ZFC3H1: variants seen among roughly 807,000 people sequenced by gnomAD.
The protein encoded by ZFC3H1 is zinc finger C3H1 domain-containing protein.
Under a neutral mutation model 243.7 loss-of-function variants are expected in ZFC3H1, and 71 were observed. The ratio of observed to expected loss-of-function variants is 0.29; its 90% CI spans 0.24 to 0.36. The LOEUF is 0.36. Among genes scored for constraint, ZFC3H1 ranks in the 10% least tolerant of loss-of-function variants. The pLI is 1.00. For missense variants in ZFC3H1, 1,966 were observed against 2,317.1 expected (o/e 0.85, Z 3.11); for synonymous variants, 838 against 813.0 (o/e 1.03, Z -0.52).
At chr12:71,649,435 GTTTAC>G (rs1391278885) in intron 2 of ZFC3H1, among the ~76,000 whole-genome samples, 2 of 152,250 alleles carry the variant, frequency 1.3e-5, no homozygotes, top group South Asian at 2.1e-4. Flanking sequence ...ATGCTGACAT[GTTTAC>G]TTTAATATTT....
intron 3 of ZFC3H1, among the ~76,000 whole-genome samples, chr12:71,646,824 T>C (rs1034278562): frequency 5.3e-5 from 8 of 152,240 alleles, no homozygotes; most frequent in African/African-American, 1.7e-4. Context: ...CCCACCTATA[T>C]GCTACGTGAG....
chr12:71,630,895 T>C lies in ZFC3H1; in HGVS notation c.3530A>G (p.Asn1177Ser). The change falls in exon 17 of 35, where the codon AAT becomes AGT. Residue 1177 changes from asparagine (N) to serine (S), a missense_variant. This residue lies in a region of ZFC3H1 where 1,383 missense variants were observed against 1,723.7 expected (regional missense o/e 0.80). Transcript: ENST00000378743. ...KLPLSSVSYS[N>S]MIEPDQCFCR... The stretch of plus-strand genomic sequence containing the variant: ...GAAACACTGATCCGGTTCAATCATA[T>C]TACTGTATGATACTGAGCTCAGGGG... 6.2e-7 allele frequency: 1 copy of C among 1,613,418 alleles called. No homozygotes were observed. Among genetic ancestry groups the C allele is most frequent in the Admixed American group, 1.7e-5 (1 of 60,014 alleles).
intron 2 of ZFC3H1, among the ~76,000 whole-genome samples, chr12:71,649,350 T>G (rs984589980): frequency 4.6e-5 from 7 of 152,228 alleles, no homozygotes; most frequent in African/African-American, 1.7e-4. Context: ...GTAACACTCC[T>G]TGTTTTACTT....
At chr12:71,642,812 G>T (rs1880632804) in intron 5 of ZFC3H1, among the ~76,000 whole-genome samples, 1 of 152,112 alleles carries the variant, frequency 6.6e-6, no homozygotes, top group South Asian at 2.1e-4. Flanking sequence ...ATTGTTAGCT[G>T]AGCCACTAAA....
At position 71,657,303 on chromosome 12, in the gene ZFC3H1, T is replaced by G; in HGVS notation, c.599-2A>C. ...ATGGAGACCTTCCAAAACTTTTGGC[T>G]GAACAGCATATTAAGGAAACCAGTT... On this transcript the variant is annotated splice_acceptor_variant, in intron 1 of 34. Transcript: ENST00000378743. LOFTEE classifies it high-confidence loss of function. 1 of 1,517,988 alleles carries G rather than the reference T, an allele frequency of 6.6e-7. No homozygotes were observed. The highest frequency in any genetic ancestry group is 8.8e-7 in the Non-Finnish European group (1 of 1,139,410). The allele number at this position is 1,517,988 out of a possible 1,614,324, so 94.0% of individuals were successfully genotyped here.
intron 28 of ZFC3H1, 53 bp from the exon 29 acceptor site, chr12:71,614,991 A>G (rs1879859533): frequency 1.4e-6 from 2 of 1,442,336 alleles, no homozygotes; most frequent in Admixed American, 3.4e-5. Flanking sequence ...CCATCAGGTG[A>G]AGGAATGACA....
intron 18 of ZFC3H1, among the ~76,000 whole-genome samples, chr12:71,630,366 C>T (rs1190058154): frequency 6.6e-6 from 1 of 152,138 alleles, no homozygotes; most frequent in Non-Finnish European, 1.5e-5. Context: ...TCTGTGCTGT[C>T]CTACTGGCAT....
chr12:71,656,649 C>T, intron 2 of ZFC3H1: 1 of 588,166 alleles, frequency 1.7e-6, no homozygotes, highest in Non-Finnish European at 2.9e-6. Context: ...ACTATTATCA[C>T]TTATGTATAA....
intron 3 of ZFC3H1, among the ~76,000 whole-genome samples, chr12:71,645,638 CTG>C (rs1436654954): frequency 6.6e-6 from 1 of 152,142 alleles, no homozygotes; most frequent in African/African-American, 2.4e-5. Context: ...TTACAGCTGA[CTG>C]TTATGTGTTC....
chr12:71,645,188 A>G, intron 3 of ZFC3H1, 113 bp from the exon 4 acceptor site: 1 of 944,978 alleles, frequency 1.1e-6, no homozygotes, highest in Non-Finnish European at 1.5e-6. Context: ...CAAATATGAC[A>G]AGGCAAATAC....
intron 33 of ZFC3H1, 35 bp downstream of exon 33, chr12:71,611,023 A>T: frequency 6.3e-7 from 1 of 1,586,086 alleles, no homozygotes; most frequent in South Asian, 1.2e-5. Flanking sequence ...AAAACTTTTT[A>T]AAAGTGACCC....
At chr12:71,645,623 T>C (rs1424150576) in intron 3 of ZFC3H1, among the ~76,000 whole-genome samples, 1 of 152,214 alleles carries the variant, frequency 6.6e-6, no homozygotes, top group Non-Finnish European at 1.5e-5. Context: ...TCTATAGAGA[T>C]TTGCTTACAG....
In ZFC3H1 at chr12:71,631,763, A is replaced by G; in HGVS notation, c.3470+15T>C. Reference sequence around the variant, plus strand: ...AAATCCTGAAATTCAAGCTTATTGAATCTTTCTTTTATACCTGTAGGACTT... The same window carrying G: ...AAATCCTGAAATTCAAGCTTATTGAGTCTTTCTTTTATACCTGTAGGACTT... On this transcript the variant is annotated intron_variant, in intron 16 of 34. Transcript: ENST00000378743. The G allele has an allele frequency of 6.4e-7, 1 of 1,559,560 alleles. No homozygotes were observed. Among genetic ancestry groups the G allele is most frequent in the Non-Finnish European group, 8.7e-7 (1 of 1,156,040 alleles).
chr12:71,614,007 T>A (rs973292821), intron 30 of ZFC3H1, among the ~76,000 whole-genome samples: 1 of 152,156 alleles, frequency 6.6e-6, no homozygotes, highest in Admixed American at 6.5e-5. Context: ...TAAAAGATAA[T>A]CACAAAACTA....
At chr12:71,639,973 C>A (rs927389841) in intron 6 of ZFC3H1, among the ~76,000 whole-genome samples, 3 of 152,112 alleles carry the variant, frequency 2.0e-5, no homozygotes, top group Admixed American at 2.0e-4. Flanking sequence ...AGTGCCCAGG[C>A]TAGAGTGCAG....
rs1208300290 is a variant in ZFC3H1, at chr12:71,634,275, T to C, written c.2390A>G (p.Asp797Gly). Residue 797 changes from aspartate (D) to glycine (G), a missense_variant, in exon 12 of 35, where the codon GAT (aspartate) becomes GGT (glycine). By Grantham distance (94) the Asp-to-Gly change is moderately conservative (BLOSUM62 -1). Coordinates refer to ENST00000378743, the MANE Select transcript of ZFC3H1 (RefSeq NM_144982.5). ...GGATGATGAACTTGTCTTCAGCTGATCTGATTTAATCAAACGCTGTTTCTC... is the reference window on the plus strand; with the variant it reads ...GGATGATGAACTTGTCTTCAGCTGACCTGATTTAATCAAACGCTGTTTCTC... ...NREKQRLIKSDQLKTSSSSPA... is the reference protein window; with the variant it reads ...NREKQRLIKSGQLKTSSSSPA... 1 of 1,613,942 alleles carries C rather than the reference T, an allele frequency of 6.2e-7. No individual in the cohort carries two copies. Among genetic ancestry groups the C allele is most frequent in the Admixed American group, 1.7e-5 (1 of 59,990 alleles).
At position 71,663,551 on chromosome 12, in the gene ZFC3H1, C is replaced by A; in HGVS notation, c.60G>T (p.Gly20=). ...CACTGATTTCCCCATCTTCAAGCTC[C>A]CCTTCTTCCTTCGGCGAGAGGCCAC... The part of the protein sequence containing the change: ...ASSGLSPKEE[G]ELEDGEISDD... Residue 20 remains glycine, a synonymous_variant, in exon 1 of 35, where the codon GGG becomes GGT. Coordinates refer to ENST00000378743, the MANE Select transcript of ZFC3H1 (RefSeq NM_144982.5). 1 of 1,613,440 alleles carries A rather than the reference C, an allele frequency of 6.2e-7. No homozygotes were observed. Among genetic ancestry groups the A allele is most frequent in the Non-Finnish European group, 8.5e-7 (1 of 1,180,036 alleles).
intron 27 of ZFC3H1, among the ~76,000 whole-genome samples, chr12:71,616,391 T>G (rs1879895137): frequency 6.6e-6 from 1 of 152,148 alleles, no homozygotes; most frequent in Non-Finnish European, 1.5e-5. Flanking sequence ...ATTTTAGACA[T>G]GATATCAAAG....
chr12:71,635,291 T>C (rs1880431436), intron 10 of ZFC3H1, 152 bp downstream of exon 10: 2 of 961,668 alleles, frequency 2.1e-6, no homozygotes, highest in South Asian at 2.1e-5. Flanking sequence ...TGCTTCATTA[T>C]ATAAAGTCCT....
Sources: gnomAD v4.1 joint callset for allele counts (sites outside exome capture counted in the v4.1 genomes callset) on GRCh38, gnomAD v4.1.1 for gene constraint, gnomAD v4.1.1 regional missense constraint, MANE v1.5 for transcripts, NCBI Gene and HGNC (gene_info 2026-07-23, HGNC 2026-07-21) for gene names.